DLL1: variants seen among roughly 807,000 people sequenced by gnomAD.
DLL1 encodes the protein delta-like protein 1.
A neutral mutation model predicts 75.1 loss-of-function variants in DLL1; 9 were observed. The observed-to-expected ratio is 0.12, with a 90% CI of 0.07 to 0.21. The LOEUF (loss-of-function observed/expected upper bound fraction) is 0.21, where lower values mean the gene tolerates loss of function less well. DLL1 is among the 10% of genes least tolerant of loss of function. The pLI, the probability that DLL1 is intolerant of heterozygous loss-of-function variation, is 1.00. For missense variants in DLL1, 837 were observed against 1,007.6 expected (o/e 0.83, Z 2.29); for synonymous variants, 477 against 418.3 (o/e 1.14, Z -1.71).
chr6:170,286,761 C>T (rs1197825202), intron 4 of DLL1, among the ~76,000 whole-genome samples: 1 of 151,998 alleles, frequency 6.6e-6, no homozygotes, highest in Non-Finnish European at 1.5e-5. Context: ...CGGCCTCCCC[C>T]GCGCCCCCGG....
intron 3 of DLL1, 52 bp from the exon 4 acceptor site, chr6:170,288,548 G>C: frequency 6.2e-7 from 1 of 1,614,016 alleles, no homozygotes; most frequent in Non-Finnish European, 8.5e-7. Flanking sequence ...CCTGTGACTC[G>C]GGACAGAGCG....
chr6:170,287,647 C>T (rs534829440), intron 4 of DLL1, among the ~76,000 whole-genome samples: 4 of 152,350 alleles, frequency 2.6e-5, no homozygotes, highest in South Asian at 2.1e-4. Flanking sequence ...TCAAGCCAGA[C>T]GGGGCTGTGC....
intron 2 of DLL1, 128 bp from the exon 3 acceptor site, chr6:170,288,917 T>C: frequency 9.8e-7 from 1 of 1,017,950 alleles, no homozygotes; most frequent in Non-Finnish European, 1.5e-6. Context: ...GGGCAGCGTG[T>C]CTGGAGAGGG....
rs1185937751 is a variant in DLL1 at position 170,282,644 on chromosome 6, C to T, written c.*230G>A. On this transcript the variant is annotated 3_prime_UTR_variant, in exon 11 of 11. Transcript: ENST00000366756. ...TATATATTCTCTTAAGAGCAACTGT[C>T]CATAGTGCAACGGCGACGTCACGGA... The T allele has an allele frequency of 4.7e-6, 3 of 641,498 alleles. No individual in the cohort carries two copies. In the African/African-American group the frequency reaches 5.5e-5, roughly 12 times the overall value. The allele number at this position is 641,498 out of a possible 1,614,324, so 39.7% of individuals were successfully genotyped here.
At chr6:170,288,131 C>G (rs762861188) in intron 4 of DLL1, 108 bp downstream of exon 4, 10 of 1,542,934 alleles carry the variant, frequency 6.5e-6, no homozygotes, top group Non-Finnish European at 8.8e-6. Flanking sequence ...GTTTCCCCAC[C>G]AGAACATCTC....
intron 5 of DLL1, 68 bp from the exon 6 acceptor site, chr6:170,285,767 C>T (rs1395180043): frequency 6.2e-7 from 1 of 1,603,438 alleles, no homozygotes. Context: ...CATTCTCACC[C>T]TAGAAACCAT....
intron 2 of DLL1, chr6:170,289,308 C>A: frequency 1.2e-6 from 1 of 858,796 alleles, no homozygotes; most frequent in Non-Finnish European, 1.8e-6. Context: ...GCGGTCCCCT[C>A]CTGCAGGCCG....
chr6:170,288,077 C>T (rs1043137454), intron 4 of DLL1, 162 bp downstream of exon 4: 33 of 1,053,124 alleles, frequency 3.1e-5, no homozygotes, highest in South Asian at 2.2e-4. Context: ...CCCCCACTGA[C>T]GAGCTGTGAC....
chr6:170,288,933 A>G (rs1325946933), intron 2 of DLL1, 144 bp from the exon 3 acceptor site: 2 of 858,892 alleles, frequency 2.3e-6, no homozygotes, highest in African/African-American at 3.3e-5. Context: ...GAGGGTCTCC[A>G]CGCACCTCCT....
At chr6:170,288,858 C>T (rs996743678) in intron 2 of DLL1, 69 bp from the exon 3 acceptor site, 1 of 1,563,494 alleles carries the variant, frequency 6.4e-7, no homozygotes, top group African/African-American at 1.4e-5. Context: ...AAAAAGCAGT[C>T]ATTCCTAACA....
chr6:170,283,632 G>T lies in DLL1; in HGVS notation c.1647C>A (p.Cys549Ter), dbSNP rs367852951. ...GCATGAGGACAAGGATGACCCCGGC[G>T]CACACGGCCACCCAGGGGAATGGCC... ...QGGPFPWVAV[C>*]AGVILVLMLL... The change falls in exon 9 of 11, where the codon TGC becomes TGA. Residue 549 changes from cysteine (C) to a stop codon, truncating the protein, a stop_gained. Coordinates refer to ENST00000366756, the MANE Select transcript of DLL1 (RefSeq NM_005618.4). LOFTEE classifies it high-confidence loss of function. The T allele has an allele frequency of 6.2e-7, 1 of 1,606,562 alleles. No individual in the cohort carries two copies.
intron 2 of DLL1, 72 bp downstream of exon 2, chr6:170,289,434 CCCAAGG>C: frequency 6.6e-7 from 1 of 1,516,778 alleles, no homozygotes; most frequent in Admixed American, 2.0e-5. Context: ...CCACCGAGCG[CCCAAGG>C]CGGGATCCCA....
chr6:170,288,035 G>A, intron 4 of DLL1: 1 of 714,578 alleles, frequency 1.4e-6, no homozygotes, highest in Non-Finnish European at 2.3e-6. Context: ...AACACAGCCT[G>A]GGATGTTAAA....
Position 170,288,840 on chromosome 6 carries a change from A to G in DLL1, c.352-51T>C, listed in dbSNP as rs568955814. 7.5e-6 allele frequency: 12 copies of G among 1,604,906 alleles called. No individual in the cohort carries two copies. In the South Asian group the frequency reaches 1.1e-4, roughly 15 times the overall value. On this transcript the variant is annotated intron_variant, in intron 2 of 10. Transcript: ENST00000366756. ...GACAACCCAGAAAGGTAACGAAAAG[A>G]AAACGGCAAAAAGCAGTCATTCCTA...
Position 170,283,235 on chromosome 6 carries a change from T to C in DLL1, c.2044A>G (p.Arg682Gly). 4 of 1,612,684 alleles carry C rather than the reference T, an allele frequency of 2.5e-6. No homozygotes were observed. The highest frequency in any genetic ancestry group is 2.5e-6 in the Non-Finnish European group (3 of 1,179,816). The change falls in exon 9 of 11, where the codon AGG becomes GGG. Residue 682 changes from arginine to glycine, a missense_variant. Around this residue, in one of 2 missense-constraint regions of DLL1, gnomAD observed 533 missense variants for 545.7 expected, o/e 0.98. Transcript: ENST00000366756. The stretch of plus-strand genomic sequence containing the variant: ...TGCCCGGCCCGCAGCACGCACCCCC[T>C]GAGTGTGGTCGGGGTCCCCTTCTCC... ...GEEKGTPTTL[R>G]GGEASERKRP...
In DLL1 at chr6:170,285,348, G is replaced by C. The variant is rs750935073; in HGVS notation, c.938C>G (p.Thr313Ser). Reference protein sequence around the residue: ...TCTNTGQGSYTCSCRPGYTGA... With the variant: ...TCTNTGQGSYSCSCRPGYTGA... Reference sequence around the variant, plus strand: ...TGTGTACCCAGGCCGGCAAGAGCAAGTGTAGCTCCCCTGGCCCGTGTTGGT... The same window carrying C: ...TGTGTACCCAGGCCGGCAAGAGCAACTGTAGCTCCCCTGGCCCGTGTTGGT... Residue 313 changes from threonine to serine, a missense_variant, in exon 7 of 11, where the codon ACT becomes AGT. Transcript: ENST00000366756. The C allele has an allele frequency of 6.2e-7, 1 of 1,614,238 alleles. No individual in the cohort carries two copies. The highest frequency in any genetic ancestry group is 8.5e-7 in the Non-Finnish European group (1 of 1,180,034).
intron 2 of DLL1, 73 bp downstream of exon 2, chr6:170,289,439 G>A (rs1783795863): frequency 1.3e-5 from 19 of 1,519,196 alleles, no homozygotes; most frequent in South Asian, 2.4e-5. Flanking sequence ...GAGCGCCCAA[G>A]GCGGGATCCC....
In DLL1 at chr6:170,285,300, A is replaced by G. The variant is rs1458890648; in HGVS notation, c.986T>C (p.Ile329Thr). 6.2e-7 allele frequency: 1 copy of G among 1,613,920 alleles called. No individual in the cohort carries two copies. Among genetic ancestry groups the G allele is most frequent in the Non-Finnish European group, 8.5e-7 (1 of 1,179,996 alleles). ...GYTGATCELGIDECDPSPCKN... is the reference protein window; with the variant it reads ...GYTGATCELGTDECDPSPCKN... Reference sequence around the variant, plus strand: ...ACAAGGGCTGGGGTCACACTCGTCAATCCCCAGCTCGCAGGTGGCACCTGT... The same window carrying G: ...ACAAGGGCTGGGGTCACACTCGTCAGTCCCCAGCTCGCAGGTGGCACCTGT... Residue 329 changes from isoleucine to threonine, a missense_variant, in exon 7 of 11, where the codon ATT (isoleucine) becomes ACT (threonine). Transcript: ENST00000366756.
rs550503735 is a variant in DLL1, at chr6:170,283,890, G to A, written c.1389C>T (p.Asn463=). 63 of 1,606,706 alleles carry A rather than the reference G, an allele frequency of 3.9e-5. No homozygotes were observed. Among genetic ancestry groups the A allele is most frequent in the East Asian group, 1.1e-4 (5 of 44,802 alleles). Residue 463 remains asparagine, a synonymous_variant, in exon 9 of 11, where the codon AAC becomes AAT. Coordinates refer to ENST00000366756, the MANE Select transcript of DLL1 (RefSeq NM_005618.4). ...ANGGTCRDGV[N]DFSCTCPPGY... The stretch of plus-strand genomic sequence containing the variant: ...CAGGCGGGCAGGTGCAGGAGAAGTC[G>A]TTCACGCCATCCCGGCAGGTGCCCC...
Sources: gnomAD v4.1 joint callset for allele counts (sites outside exome capture counted in the v4.1 genomes callset) on GRCh38, gnomAD v4.1.1 for gene constraint, gnomAD v4.1.1 regional missense constraint, MANE v1.5 for transcripts, NCBI Gene and HGNC (gene_info 2026-07-23, HGNC 2026-07-21) for gene names.